Variants in LMX1A observed in about 807,000 individuals in gnomAD.
The protein encoded by LMX1A is LIM homeobox transcription factor 1 alpha.
A neutral mutation model predicts 49.1 loss-of-function variants in LMX1A; 15 were observed. That is an observed-to-expected ratio of 0.31 (90% CI 0.20 to 0.47). The LOEUF is 0.47. LMX1A is among the 20% of genes least tolerant of loss of function. The pLI is 1.00. For synonymous variants in LMX1A, 167 were observed against 185.7 expected, an observed-to-expected ratio of 0.90 and a Z score of 0.82; for missense variants, 372 against 475.8, an observed-to-expected ratio of 0.78 and a Z score of 2.03.
At chr1:165,276,693 T>C (rs1259125182) in intron 3 of LMX1A, among the ~76,000 whole-genome samples, 1 of 152,094 alleles carries the variant, frequency 6.6e-6, no homozygotes, top group East Asian at 1.9e-4. Context: ...TGGCTGATGT[T>C]ATTCTTTCTT....
intron 3 of LMX1A, among the ~76,000 whole-genome samples, chr1:165,329,617 C>A (rs1430765035): frequency 1.3e-5 from 2 of 150,988 alleles, no homozygotes; most frequent in South Asian, 2.2e-4. Flanking sequence ...TGCAACCCCC[C>A]CACCCCCGCC....
rs1371527732 is a variant in LMX1A at position 165,355,362 on chromosome 1, T to G, written c.76+122A>C. The G allele has an allele frequency of 2.3e-6, 2 of 865,416 alleles. No individual in the cohort carries two copies. The highest frequency in any genetic ancestry group is 5.3e-5 in the East Asian group (2 of 37,730). The allele number at this position is 865,416 out of a possible 1,614,324, so 53.6% of individuals were successfully genotyped here. On this transcript the variant is annotated intron_variant, in intron 2 of 8. Coordinates refer to ENST00000342310, the MANE Select transcript of LMX1A (RefSeq NM_177398.4). This position sits in a 1 kb window ranked among gnomAD's most constrained non-coding sequence, Gnocchi z 4.7. Reference sequence around the variant, plus strand: ...ACGGACAGATAGTGATGGGGCTCAATTTAGTGTATGAAGAGGGGCGCTAGC... The same window carrying G: ...ACGGACAGATAGTGATGGGGCTCAAGTTAGTGTATGAAGAGGGGCGCTAGC...
chr1:165,222,330 A>G (rs1005024702), intron 4 of LMX1A, among the ~76,000 whole-genome samples: 2 of 152,212 alleles, frequency 1.3e-5, no homozygotes, highest in Non-Finnish European at 2.9e-5. Flanking sequence ...CCTATGGTTC[A>G]CTAGGCTTGG....
intron 3 of LMX1A, among the ~76,000 whole-genome samples, chr1:165,312,030 C>T (rs1218970060): frequency 1.3e-5 from 2 of 152,192 alleles, no homozygotes; most frequent in Non-Finnish European, 2.9e-5. Flanking sequence ...GTTATATCCT[C>T]ATATTCTTTA....
At chr1:165,345,610 C>T (rs10753675) in intron 3 of LMX1A, among the ~76,000 whole-genome samples, 84,444 of 151,924 alleles carry the variant, frequency 0.56, 24,674 homozygotes, top group East Asian at 0.76. Context: ...TTTAGAGGCC[C>T]GTAAATGGTT....
chr1:165,207,996 TG>T, intron 7 of LMX1A, 66 bp downstream of exon 7: 1 of 1,362,374 alleles, frequency 7.3e-7, no homozygotes. Context: ...AGCTGGGTAG[TG>T]GGAGGCCTCT....
At chr1:165,248,825 G>T (rs542848128) in intron 4 of LMX1A, among the ~76,000 whole-genome samples, 2 of 152,328 alleles carry the variant, frequency 1.3e-5, no homozygotes, top group Middle Eastern at 6.8e-3. Flanking sequence ...GCAAGGGTTT[G>T]TGGTGCATGG....
At chr1:165,333,531 C>A (rs1655811955) in intron 3 of LMX1A, among the ~76,000 whole-genome samples, 1 of 152,130 alleles carries the variant, frequency 6.6e-6, no homozygotes, top group African/African-American at 2.4e-5. Flanking sequence ...TGGTGATACT[C>A]CAAGTTTTGA....
rs770834916 is a variant in LMX1A, at chr1:165,208,046, A to G, written c.817+17T>C. 12 of 1,612,074 alleles carry G rather than the reference A, an allele frequency of 7.4e-6. 1 individual carries two copies. In the South Asian group the frequency reaches 1.3e-4, roughly 18 times the overall value. On this transcript the variant is annotated intron_variant, in intron 7 of 8. Coordinates refer to ENST00000342310, the MANE Select transcript of LMX1A (RefSeq NM_177398.4). The stretch of plus-strand genomic sequence containing the variant: ...TGGATTCCAGCCAGAACTGCCTGGG[A>G]GGAGGCACCAGCTTACCAGAGCTCA...
At chr1:165,235,748 CGA>C (rs1190240063) in intron 4 of LMX1A, among the ~76,000 whole-genome samples, 1 of 152,156 alleles carries the variant, frequency 6.6e-6, no homozygotes, top group African/African-American at 2.4e-5. Context: ...AATTGGAAAC[CGA>C]GTTCTTCTTT....
At chr1:165,238,418 A>G (rs1652528203) in intron 4 of LMX1A, among the ~76,000 whole-genome samples, 1 of 152,256 alleles carries the variant, frequency 6.6e-6, no homozygotes, top group Admixed American at 6.5e-5. Flanking sequence ...ACAAAAAATC[A>G]GTAATAGTAC....
intron 4 of LMX1A, among the ~76,000 whole-genome samples, chr1:165,242,724 A>T (rs940602906): frequency 3.4e-4 from 51 of 151,738 alleles, no homozygotes; most frequent in East Asian, 9.7e-4. Context: ...AAAATAAAAA[A>T]AAAAAATTAG....
Position 165,272,573 on chromosome 1 carries a change from T to C in LMX1A, c.264-22933A>G, listed in dbSNP as rs370357364. On this transcript the variant is annotated intron_variant, in intron 3 of 8. Coordinates refer to ENST00000342310, the MANE Select transcript of LMX1A (RefSeq NM_177398.4). ...CTCTATCAACACAGAACAATGACCA[T>C]AGTGGCGATTTGGGAGGACCAGGGC... Among the ~76,000 whole-genome samples the C allele has an allele frequency of 1.1e-4, 17 of 152,062 alleles. No individual in the cohort carries two copies. The East Asian group carries it at 1.9e-3, about 17-fold the overall frequency.
chr1:165,333,227 G>A (rs1163374955), intron 3 of LMX1A, among the ~76,000 whole-genome samples: 1 of 152,156 alleles, frequency 6.6e-6, no homozygotes, highest in Non-Finnish European at 1.5e-5. Flanking sequence ...GAGCGATCTC[G>A]GCTCACCACA....
intron 7 of LMX1A, 71 bp downstream of exon 7, chr1:165,207,992 G>A: frequency 7.7e-7 from 1 of 1,299,902 alleles, no homozygotes; most frequent in Non-Finnish European, 1.1e-6. Flanking sequence ...AAAGAGCTGG[G>A]TAGTGGGAGG....
intron 3 of LMX1A, among the ~76,000 whole-genome samples, chr1:165,299,453 A>T (rs1654712550): frequency 6.6e-6 from 1 of 152,220 alleles, no homozygotes; most frequent in Non-Finnish European, 1.5e-5. Context: ...TTAATACCAT[A>T]GGACGGAAGG....
chr1:165,345,791 G>A (rs750539266), intron 3 of LMX1A, among the ~76,000 whole-genome samples: 2 of 152,192 alleles, frequency 1.3e-5, no homozygotes, highest in Admixed American at 6.5e-5. Context: ...CACTTTGGGA[G>A]GCTAAGGTGG....
intron 4 of LMX1A, among the ~76,000 whole-genome samples, chr1:165,223,732 C>T (rs993636493): frequency 6.6e-6 from 1 of 150,686 alleles, no homozygotes; most frequent in African/African-American, 2.4e-5. Flanking sequence ...AACAAGAAGA[C>T]AATTTTGTAT....
intron 3 of LMX1A, among the ~76,000 whole-genome samples, chr1:165,331,182 A>G (rs936014331): frequency 2.0e-5 from 3 of 152,240 alleles, no homozygotes; most frequent in Non-Finnish European, 4.4e-5. Flanking sequence ...AGATGCTGGA[A>G]TTAGCTGACA....
Sources: gnomAD v4.1 joint callset for allele counts (sites outside exome capture counted in the v4.1 genomes callset) on GRCh38, gnomAD v4.1.1 for gene constraint, Gnocchi (gnomAD v3.1) non-coding constraint, MANE v1.5 for transcripts, NCBI Gene and HGNC (gene_info 2026-07-23, HGNC 2026-07-21) for gene names.